SLC10A7: variants seen among roughly 807,000 people sequenced by gnomAD.
SLC10A7 encodes the protein sodium/bile acid cotransporter 7.
A neutral mutation model predicts 43.2 loss-of-function variants in SLC10A7; 29 were observed. That is an observed-to-expected ratio of 0.67 (90% CI 0.50 to 0.92). The LOEUF (loss-of-function observed/expected upper bound fraction) is 0.92, where lower values mean the gene tolerates loss of function less well. Among genes scored for constraint, SLC10A7 ranks in the 40% least tolerant of loss-of-function variants. The pLI, the probability that SLC10A7 is intolerant of heterozygous loss-of-function variation, is 0.00. For missense variants in SLC10A7, 295 were observed against 403.2 expected (o/e 0.73, Z 2.30); for synonymous variants, 152 against 144.8 (o/e 1.05, Z -0.35).
rs1476606807 is a variant in SLC10A7, at chr4:146,510,002, C to A, written c.231G>T (p.Gln77His). The change falls in exon 3 of 12, where the codon CAG (glutamine) becomes CAT (histidine). Residue 77 changes from glutamine to histidine, a missense_variant. By Grantham distance (24) the Gln-to-His change is conservative (BLOSUM62 0). Around this residue, in one of 2 missense-constraint regions of SLC10A7, gnomAD observed 242 missense variants for 362.5 expected, o/e 0.67. Transcript: ENST00000335472. Reference sequence around the variant, plus strand: ...CTGGGAAGAATGCAAGAGTAAAGATCTGAATAAAAAGATGCAGTTTTAGAT... The same window carrying A: ...CTGGGAAGAATGCAAGAGTAAAGATATGAATAAAAAGATGCAGTTTTAGAT... ...LVHLKLHLFIQIFTLAFFPAT... is the reference protein window; with the variant it reads ...LVHLKLHLFIHIFTLAFFPAT... 3.7e-6 allele frequency: 6 copies of A among 1,613,190 alleles called. No homozygotes were observed. The highest frequency in any genetic ancestry group is 5.1e-6 in the Non-Finnish European group (6 of 1,179,658).
chr4:146,400,013 G>C (rs1010272473), intron 5 of SLC10A7, among the ~76,000 whole-genome samples: 1 of 152,112 alleles, frequency 6.6e-6, no homozygotes, highest in Non-Finnish European at 1.5e-5. Flanking sequence ...TAAAGGCCAG[G>C]ACCCACAGCC....
intron 5 of SLC10A7, among the ~76,000 whole-genome samples, chr4:146,427,673 A>G (rs1040546417): frequency 6.6e-6 from 1 of 152,228 alleles, no homozygotes; most frequent in Non-Finnish European, 1.5e-5. Flanking sequence ...ATAAATGAAG[A>G]AAAGAGGGAA....
intron 5 of SLC10A7, among the ~76,000 whole-genome samples, chr4:146,356,221 A>G (rs1735616070): frequency 1.3e-5 from 2 of 152,014 alleles, no homozygotes; most frequent in Non-Finnish European, 2.9e-5. Context: ...AAAATCTTTT[A>G]CTATGAGTTT....
intron 4 of SLC10A7, among the ~76,000 whole-genome samples, chr4:146,498,164 C>A (rs1736074423): frequency 1.3e-5 from 2 of 150,982 alleles, no homozygotes; most frequent in Non-Finnish European, 2.9e-5. Context: ...GTCGCCCAGG[C>A]TGGAGTGCAA....
At chr4:146,381,106 G>A (rs1322371289) in intron 5 of SLC10A7, among the ~76,000 whole-genome samples, 2 of 152,104 alleles carry the variant, frequency 1.3e-5, no homozygotes, top group Non-Finnish European at 2.9e-5. Context: ...TTTAAGAAAG[G>A]AGTACAAAAC....
chr4:146,314,795 G>C (rs1016972314), intron 6 of SLC10A7, among the ~76,000 whole-genome samples: 1 of 152,056 alleles, frequency 6.6e-6, no homozygotes, highest in African/African-American at 2.4e-5. Context: ...TCATTCTAAT[G>C]GTAAAAACTC....
chr4:146,368,857 A>C (rs1478473643), intron 5 of SLC10A7, among the ~76,000 whole-genome samples: 1 of 152,226 alleles, frequency 6.6e-6, no homozygotes, highest in Non-Finnish European at 1.5e-5. Context: ...AAACAAAGAC[A>C]CTATAGTCTA....
At chr4:146,294,529 G>A (rs904518653) in intron 7 of SLC10A7, among the ~76,000 whole-genome samples, 21 of 152,142 alleles carry the variant, frequency 1.4e-4, no homozygotes, top group African/African-American at 5.1e-4. Context: ...CAAGACAGTA[G>A]ATAATCGAAA....
rs77065145 is a variant in SLC10A7 at position 146,520,698 on chromosome 4, T to C, written c.100+920A>G. Among the ~76,000 whole-genome samples, 557 of 152,284 alleles carry C rather than the reference T, an allele frequency of 3.7e-3. 5 individuals carry two copies. Among genetic ancestry groups the C allele is most frequent in the African/African-American group, 0.012 (508 of 41,540 alleles). Reference sequence around the variant, plus strand: ...TATTGTGCCTGTTCACCTCTATCCTTATTTGCTCCGGTTGCATGAGTTAGG... The same window carrying C: ...TATTGTGCCTGTTCACCTCTATCCTCATTTGCTCCGGTTGCATGAGTTAGG... On this transcript the variant is annotated intron_variant, in intron 1 of 11. Coordinates refer to ENST00000335472, the MANE Select transcript of SLC10A7 (RefSeq NM_001029998.6).
intron 9 of SLC10A7, among the ~76,000 whole-genome samples, chr4:146,292,718 A>G (rs555804198): frequency 6.6e-6 from 1 of 152,336 alleles, no homozygotes; most frequent in South Asian, 2.1e-4. Flanking sequence ...TAAGCACTCA[A>G]TGTGGATAGA....
intron 5 of SLC10A7, among the ~76,000 whole-genome samples, chr4:146,380,846 G>A (rs535897711): frequency 2.6e-5 from 4 of 152,088 alleles, no homozygotes; most frequent in African/African-American, 9.6e-5. Context: ...CATATAATTA[G>A]TTGGTACGAT....
intron 10 of SLC10A7, among the ~76,000 whole-genome samples, chr4:146,270,533 CTA>C (rs779722962): frequency 6.6e-6 from 1 of 152,212 alleles, no homozygotes; most frequent in Non-Finnish European, 1.5e-5. Context: ...CTTCTAAAAA[CTA>C]TGCTGCCTGG....
At chr4:146,341,110 A>T (rs1020338977) in intron 5 of SLC10A7, among the ~76,000 whole-genome samples, 1 of 151,892 alleles carries the variant, frequency 6.6e-6, no homozygotes, top group African/African-American at 2.4e-5. Context: ...ATGTCATGGA[A>T]TTTTAAATTA....
rs193217674 is a variant in SLC10A7 at position 146,405,524 on chromosome 4, G to C, written c.435+37259C>G. Reference sequence around the variant, plus strand: ...ATAGAAAATCAATTTGGAAAATGCTGTCAGCTTCATCCATGAAGAAAAAAT... The same window carrying C: ...ATAGAAAATCAATTTGGAAAATGCTCTCAGCTTCATCCATGAAGAAAAAAT... On this transcript the variant is annotated intron_variant, in intron 5 of 11. Coordinates refer to ENST00000335472, the MANE Select transcript of SLC10A7 (RefSeq NM_001029998.6). Among the ~76,000 whole-genome samples, 161 of 152,288 alleles carry C rather than the reference G, an allele frequency of 1.1e-3. 1 individual carries two copies. The highest frequency in any genetic ancestry group is 2.0e-3 in the Non-Finnish European group (133 of 68,008).
intron 5 of SLC10A7, among the ~76,000 whole-genome samples, chr4:146,390,955 G>T (rs1738386072): frequency 6.6e-6 from 1 of 152,138 alleles, no homozygotes; most frequent in Non-Finnish European, 1.5e-5. Context: ...ACTTGAAAGG[G>T]AAAAACAAAT....
At chr4:146,404,758 C>T (rs1014018936) in intron 5 of SLC10A7, among the ~76,000 whole-genome samples, 2 of 152,052 alleles carry the variant, frequency 1.3e-5, no homozygotes, top group Admixed American at 6.6e-5. Context: ...GTGTGAGCCA[C>T]CGCACCTGGC....
At chr4:146,280,630 C>G (rs1578772414) in intron 10 of SLC10A7, among the ~76,000 whole-genome samples, 1 of 152,166 alleles carries the variant, frequency 6.6e-6, no homozygotes, top group African/African-American at 2.4e-5. Flanking sequence ...TGTCAGGTCA[C>G]CAGTAGATCC....
chr4:146,279,973 A>T (rs1047651987), intron 10 of SLC10A7, among the ~76,000 whole-genome samples: 8 of 152,196 alleles, frequency 5.3e-5, no homozygotes, highest in Non-Finnish European at 1.0e-4. Flanking sequence ...GGGCAAAAGC[A>T]AGAACAATAA....
intron 5 of SLC10A7, among the ~76,000 whole-genome samples, chr4:146,377,616 A>G (rs1040427597): frequency 6.6e-6 from 1 of 152,216 alleles, no homozygotes; most frequent in African/African-American, 2.4e-5. Flanking sequence ...GGGACCCAGA[A>G]CCAAAGACCA....
Sources: allele counts gnomAD v4.1 joint callset (sites outside exome capture counted in the v4.1 genomes callset), GRCh38; gene constraint gnomAD v4.1.1; regional missense constraint gnomAD v4.1.1; transcripts MANE v1.5; gene names NCBI Gene and HGNC (gene_info 2026-07-23, HGNC 2026-07-21).